Variants in ADGRL3 observed in about 807,000 individuals in gnomAD.
ADGRL3 encodes the protein calcium-independent alpha-latrotoxin receptor 3.
ADGRL3 carries 62 observed loss-of-function variants against 153.5 expected under a neutral mutation model. The ratio of observed to expected loss-of-function variants is 0.40; its 90% CI spans 0.33 to 0.50. The LOEUF (loss-of-function observed/expected upper bound fraction) is 0.50, where lower values mean the gene tolerates loss of function less well. Ranked by LOEUF, ADGRL3 falls within the 20% of genes least tolerant of loss-of-function variation. The probability of loss-of-function intolerance (pLI) is 0.47; values close to 1 mark genes in which losing one functional copy is unlikely to be tolerated. For missense variants in ADGRL3, 1,641 were observed against 1,859.4 expected (o/e 0.88, Z 2.16); for synonymous variants, 710 against 672.5 (o/e 1.06, Z -0.86).
chr4:61,750,443 A>T (rs183919390), intron 8 of ADGRL3, among the ~76,000 whole-genome samples: 13 of 152,290 alleles, frequency 8.5e-5, no homozygotes, highest in Admixed American at 2.0e-4. Flanking sequence ...ATTTAAAAGA[A>T]TACAGGTGCC....
chr4:61,639,735 A>G (rs975142650), intron 5 of ADGRL3, among the ~76,000 whole-genome samples: 7 of 152,206 alleles, frequency 4.6e-5, no homozygotes, highest in African/African-American at 1.7e-4. Flanking sequence ...AGTTAAATTA[A>G]GGAAAATGAA....
intron 2 of ADGRL3, among the ~76,000 whole-genome samples, 173 bp from the exon 3 acceptor site, chr4:61,496,948 A>G (rs1343824457): frequency 6.6e-6 from 1 of 152,162 alleles, no homozygotes; most frequent in African/African-American, 2.4e-5. Context: ...CTTAAAAAAA[A>G]AAAAAAAATC....
intron 8 of ADGRL3, among the ~76,000 whole-genome samples, chr4:61,767,340 A>T (rs2097002964): frequency 1.3e-5 from 2 of 150,074 alleles, no homozygotes; most frequent in South Asian, 4.2e-4. Flanking sequence ...CTAAGTTGGC[A>T]CCAGATGGGG....
chr4:61,666,819 A>C (rs2094816732), intron 5 of ADGRL3, among the ~76,000 whole-genome samples: 1 of 152,168 alleles, frequency 6.6e-6, no homozygotes, highest in South Asian at 2.1e-4. Flanking sequence ...ATACAAATAA[A>C]GAATATTCAG....
At chr4:61,631,029 G>C (rs1338848812) in intron 5 of ADGRL3, among the ~76,000 whole-genome samples, 1 of 152,070 alleles carries the variant, frequency 6.6e-6, no homozygotes, top group Admixed American at 6.6e-5. Flanking sequence ...AACTTGTGTT[G>C]GTAATTCTAT....
chr4:61,567,655 C>T (rs1477622253), intron 4 of ADGRL3, among the ~76,000 whole-genome samples: 1 of 152,064 alleles, frequency 6.6e-6, no homozygotes, highest in East Asian at 1.9e-4. Flanking sequence ...TTTAGTAGCC[C>T]AAAGAGACTA....
intron 19 of ADGRL3, among the ~76,000 whole-genome samples, chr4:61,993,467 T>C (rs985944648): frequency 6.6e-6 from 1 of 151,576 alleles, no homozygotes; most frequent in Admixed American, 6.6e-5. Flanking sequence ...AATTTTTGTA[T>C]TTTTAGTAGA....
chr4:61,560,599 C>T (rs747229741), intron 4 of ADGRL3, among the ~76,000 whole-genome samples: 2 of 152,042 alleles, frequency 1.3e-5, no homozygotes, highest in Non-Finnish European at 2.9e-5. Flanking sequence ...AAACACAGTC[C>T]TACTACATCT....
intron 20 of ADGRL3, among the ~76,000 whole-genome samples, chr4:61,997,901 A>C (rs2099127211): frequency 6.6e-6 from 1 of 152,178 alleles, no homozygotes; most frequent in African/African-American, 2.4e-5. Flanking sequence ...AATTGTTTCA[A>C]AATTTCCACA....
intron 1 of ADGRL3, among the ~76,000 whole-genome samples, chr4:61,225,454 G>A (rs549283920): frequency 6.6e-6 from 1 of 152,222 alleles, no homozygotes; most frequent in East Asian, 1.9e-4. Flanking sequence ...TCTGATAGGG[G>A]CATTATTTTT....
At chr4:61,371,418 C>A (rs962036705) in intron 1 of ADGRL3, among the ~76,000 whole-genome samples, 12 of 151,878 alleles carry the variant, frequency 7.9e-5, no homozygotes, top group Non-Finnish European at 1.5e-4. Context: ...TCTTTTAGGG[C>A]AGGCCTGGTG....
At chr4:61,313,491 G>C (rs566762483) in intron 1 of ADGRL3, among the ~76,000 whole-genome samples, 1 of 152,302 alleles carries the variant, frequency 6.6e-6, no homozygotes, top group African/African-American at 2.4e-5. Context: ...CCATGCAGGG[G>C]AGAAGGCCAG....
intron 4 of ADGRL3, among the ~76,000 whole-genome samples, chr4:61,551,954 A>G (rs1243421973): frequency 2.6e-5 from 4 of 152,182 alleles, no homozygotes; most frequent in Non-Finnish European, 5.9e-5. Context: ...ATGTAATTAC[A>G]TACTGCAACT....
At chr4:61,987,358 A>G (rs537107641) in intron 19 of ADGRL3, among the ~76,000 whole-genome samples, 13 of 151,860 alleles carry the variant, frequency 8.6e-5, no homozygotes, top group South Asian at 4.2e-4. Context: ...TTTTTTTAGT[A>G]GAGATGGGGT....
rs1377204607 is a variant in ADGRL3 at position 61,200,497 on chromosome 4, G to A, written c.-1508G>A. Among the ~76,000 whole-genome samples the A allele has an allele frequency of 1.3e-5, 2 of 149,292 alleles. No individual in the cohort carries two copies. Among genetic ancestry groups the A allele is most frequent in the East Asian group, 2.2e-4 (1 of 4,612 alleles). Reference sequence around the variant, plus strand: ...GATGCAGATGCTGCAGCTGGTCGGGGTGGGCGCCGCCGCCGCCGCCGCCGC... The same window carrying A: ...GATGCAGATGCTGCAGCTGGTCGGGATGGGCGCCGCCGCCGCCGCCGCCGC... On this transcript the variant is annotated 5_prime_UTR_variant, in exon 1 of 27. In the 5' UTR this introduces an upstream ATG that the reference lacks. Transcript: ENST00000683033.
chr4:61,586,122 A>G (rs1178979698), intron 4 of ADGRL3, among the ~76,000 whole-genome samples: 1 of 152,078 alleles, frequency 6.6e-6, no homozygotes, highest in Non-Finnish European at 1.5e-5. Context: ...TTTGAAGAAG[A>G]AAGTATTGTT....
At chr4:61,882,342 T>C (rs781182491) in intron 9 of ADGRL3, among the ~76,000 whole-genome samples, 4 of 152,136 alleles carry the variant, frequency 2.6e-5, no homozygotes, top group Non-Finnish European at 5.9e-5. Flanking sequence ...CCGCCACGTG[T>C]CTTACACCCC....
intron 25 of ADGRL3, among the ~76,000 whole-genome samples, chr4:62,052,190 A>G (rs750910862): frequency 6.6e-6 from 1 of 151,712 alleles, no homozygotes; most frequent in African/African-American, 2.4e-5. Context: ...TCAGACCACA[A>G]AGCCCTATAC....
chr4:61,240,175 A>C (rs1354076114), intron 1 of ADGRL3, among the ~76,000 whole-genome samples: 1 of 152,096 alleles, frequency 6.6e-6, no homozygotes, highest in Non-Finnish European at 1.5e-5. Flanking sequence ...CTTGCATGGC[A>C]GAAGGGTGAA....
Sources: allele counts gnomAD v4.1 joint callset (sites outside exome capture counted in the v4.1 genomes callset), GRCh38; gene constraint gnomAD v4.1.1; transcripts MANE v1.5; gene names NCBI Gene and HGNC (gene_info 2026-07-23, HGNC 2026-07-21).